PPP1R12A: variants seen among roughly 807,000 people sequenced by gnomAD.
PPP1R12A encodes the protein myosin binding subunit.
A neutral mutation model predicts 139.6 loss-of-function variants in PPP1R12A; 19 were observed. The observed-to-expected ratio is 0.14, with a 90% CI of 0.09 to 0.20. PPP1R12A has a LOEUF of 0.20. Among genes scored for constraint, PPP1R12A ranks in the 10% least tolerant of loss-of-function variants. The pLI, the probability that PPP1R12A is intolerant of heterozygous loss-of-function variation, is 1.00. For synonymous variants in PPP1R12A, 427 were observed against 420.6 expected, an observed-to-expected ratio of 1.02 and a Z score of -0.19; for missense variants, 925 against 1,211.5, an observed-to-expected ratio of 0.76 and a Z score of 3.51.
intron 1 of PPP1R12A, among the ~76,000 whole-genome samples, chr12:79,917,584 A>G (rs1887102939): frequency 6.6e-6 from 1 of 151,984 alleles, no homozygotes; most frequent in Non-Finnish European, 1.5e-5. Flanking sequence ...AGTCAAAATA[A>G]CCCAACCTTT....
At chr12:79,856,537 G>T (rs1028924832) in intron 2 of PPP1R12A, among the ~76,000 whole-genome samples, 1 of 152,110 alleles carries the variant, frequency 6.6e-6, no homozygotes, top group Non-Finnish European at 1.5e-5. Context: ...TGTCTTTCTT[G>T]CATAAATGAT....
chr12:79,858,707 C>G (rs1313714039), intron 2 of PPP1R12A, among the ~76,000 whole-genome samples: 3 of 152,198 alleles, frequency 2.0e-5, no homozygotes, highest in Middle Eastern at 6.8e-3. Context: ...GAATTCCAGA[C>G]AGAAGAACCA....
intron 24 of PPP1R12A, 122 bp from the exon 25 acceptor site, chr12:79,776,137 T>C (rs1266154309): frequency 3.6e-6 from 2 of 563,108 alleles, no homozygotes; most frequent in East Asian, 3.2e-5. Flanking sequence ...GTTATATATA[T>C]TTCTAGTATC....
chr12:79,918,600 C>G (rs763435103), intron 1 of PPP1R12A, among the ~76,000 whole-genome samples: 3 of 152,146 alleles, frequency 2.0e-5, no homozygotes, highest in Non-Finnish European at 4.4e-5. Context: ...CCAATTCCTA[C>G]CAATTCTATT....
chr12:79,878,899 T>C (rs1883367818), intron 1 of PPP1R12A, among the ~76,000 whole-genome samples: 1 of 152,012 alleles, frequency 6.6e-6, no homozygotes, highest in Non-Finnish European at 1.5e-5. Flanking sequence ...AACATCAACT[T>C]TACTAAAAAA....
chr12:79,825,274 G>A (rs1876630867), intron 5 of PPP1R12A: 1 of 152,086 alleles, frequency 6.6e-6, no homozygotes, highest in Non-Finnish European at 1.5e-5. Context: ...TATAATGACA[G>A]TTATATTAAT....
At chr12:79,780,319 A>G (rs891955091) in intron 23 of PPP1R12A, 11 of 152,118 alleles carry the variant, frequency 7.2e-5, no homozygotes, top group African/African-American at 2.7e-4. Flanking sequence ...AGAATGATGA[A>G]TAAATGTTAG....
chr12:79,817,579 A>G (rs1592661929), intron 8 of PPP1R12A, 61 bp from the exon 9 acceptor site: 2 of 1,433,622 alleles, frequency 1.4e-6, no homozygotes, highest in Non-Finnish European at 1.9e-6. Flanking sequence ...AATGGCTGGG[A>G]AAAAATCATT....
chr12:79,911,776 C>A (rs1008563179), intron 1 of PPP1R12A, among the ~76,000 whole-genome samples: 3 of 152,018 alleles, frequency 2.0e-5, no homozygotes, highest in African/African-American at 7.2e-5. Flanking sequence ...CCTCTACTCC[C>A]GTATCAGCCT....
intron 2 of PPP1R12A, among the ~76,000 whole-genome samples, chr12:79,850,746 G>C (rs1174382254): frequency 6.6e-6 from 1 of 152,118 alleles, no homozygotes; most frequent in African/African-American, 2.4e-5. Context: ...TAATGGTTTA[G>C]CACCATCCTC....
chr12:79,778,903 G>T, intron 23 of PPP1R12A: 1 of 244,896 alleles, frequency 4.1e-6, no homozygotes, highest in Non-Finnish European at 8.1e-6. Context: ...ACTCAAGACT[G>T]AAGACTGTAC....
In PPP1R12A at chr12:79,934,786, G is replaced by T; in HGVS notation, c.146C>A (p.Ser49Tyr). Residue 49 changes from serine to tyrosine, a missense_variant, in exon 1 of 25, where the codon TCC becomes TAC. Ser to Tyr is a moderately radical substitution (Grantham distance 144). This residue lies in a region of PPP1R12A where 199 missense variants were observed against 352.4 expected (regional missense o/e 0.56). Coordinates refer to ENST00000450142, the MANE Select transcript of PPP1R12A (RefSeq NM_002480.3). The part of the protein sequence containing the change: ...DDGAVFLAAC[S>Y]SGDTDEVLKL... Reference sequence around the variant, plus strand: ...GAGGACCTCGTCCGTGTCGCCGCTGGAGCAAGCAGCCAGGAAGACGGCGCC... The same window carrying T: ...GAGGACCTCGTCCGTGTCGCCGCTGTAGCAAGCAGCCAGGAAGACGGCGCC... The T allele has an allele frequency of 6.4e-7, 1 of 1,563,514 alleles. No individual in the cohort carries two copies.
intron 24 of PPP1R12A, among the ~76,000 whole-genome samples, chr12:79,776,535 A>G (rs1869746495): frequency 6.6e-6 from 1 of 152,160 alleles, no homozygotes; most frequent in African/African-American, 2.4e-5. Context: ...TAAAATGCCT[A>G]AACAATGTCC....
intron 3 of PPP1R12A, among the ~76,000 whole-genome samples, chr12:79,843,923 TCA>T (rs1879081230): frequency 6.6e-6 from 1 of 152,056 alleles, no homozygotes; most frequent in African/African-American, 2.4e-5. Context: ...CAGGCTGGTC[TCA>T]AGCTCCTGAC....
At chr12:79,848,191 T>C (rs1372902063) in intron 2 of PPP1R12A, among the ~76,000 whole-genome samples, 2 of 152,202 alleles carry the variant, frequency 1.3e-5, no homozygotes, top group Non-Finnish European at 2.9e-5. Context: ...TGAGGTAATT[T>C]TTCCTGTTTT....
At chr12:79,894,221 C>G (rs1884923628) in intron 1 of PPP1R12A, among the ~76,000 whole-genome samples, 2 of 152,182 alleles carry the variant, frequency 1.3e-5, no homozygotes, top group South Asian at 4.1e-4. Context: ...CATAAAACTA[C>G]TGCCACAAAA....
intron 20 of PPP1R12A, 62 bp downstream of exon 20, chr12:79,790,405 C>T: frequency 1.8e-6 from 2 of 1,125,524 alleles, no homozygotes; most frequent in African/African-American, 1.6e-5. Flanking sequence ...TTCCTAGCAA[C>T]ACATTTTTAA....
chr12:79,922,410 TAAA>T (rs1247297965), intron 1 of PPP1R12A, among the ~76,000 whole-genome samples: 1 of 152,186 alleles, frequency 6.6e-6, no homozygotes, highest in Non-Finnish European at 1.5e-5. Flanking sequence ...GAAACTTTAT[TAAA>T]AATGCCTTTT....
At chr12:79,931,296 T>C (rs1179728962) in intron 1 of PPP1R12A, among the ~76,000 whole-genome samples, 1 of 152,218 alleles carries the variant, frequency 6.6e-6, no homozygotes, top group African/African-American at 2.4e-5. Context: ...TTGTATTTAC[T>C]ATATTACTAC....
Sources: allele counts gnomAD v4.1 joint callset (sites outside exome capture counted in the v4.1 genomes callset), GRCh38; gene constraint gnomAD v4.1.1; regional missense constraint gnomAD v4.1.1; transcripts MANE v1.5; gene names NCBI Gene and HGNC (gene_info 2026-07-23, HGNC 2026-07-21).